ZDHHC2: variants seen among roughly 807,000 people sequenced by gnomAD.
ZDHHC2 encodes zDHHC palmitoyltransferase 2.
In ZDHHC2, 51 loss-of-function variants were observed where a neutral mutation model predicts 55.6. The ratio of observed to expected loss-of-function variants is 0.92; its 90% CI spans 0.73 to 1.16. ZDHHC2 has a LOEUF of 1.16. ZDHHC2 is among the 50% of genes most tolerant of loss of function. The pLI, the probability that ZDHHC2 is intolerant of heterozygous loss-of-function variation, is 0.00. For missense variants in ZDHHC2, 491 were observed against 442.4 expected, an observed-to-expected ratio of 1.11 and a Z score of -0.99; for synonymous variants, 199 against 152.9, an observed-to-expected ratio of 1.30 and a Z score of -2.22.
chr8:17,197,615 A>T lies in ZDHHC2; in HGVS notation c.407A>T (p.Lys136Ile), dbSNP rs1806386446. Residue 136 changes from lysine to isoleucine, a missense_variant, in exon 5 of 13, where the codon AAA becomes ATA. Physicochemically the swap from Lys to Ile is moderately radical, Grantham distance 102 (BLOSUM62 -3). Transcript: ENST00000262096. ...IRYCDRCQLI[K>I]PDRCHHCSVC... ...TACTGTGACAGATGCCAACTTATAAAACCAGATCGCTGCCATCACTGCTCC... is the reference window on the plus strand; with the variant it reads ...TACTGTGACAGATGCCAACTTATAATACCAGATCGCTGCCATCACTGCTCC... 6.2e-7 allele frequency: 1 copy of T among 1,613,762 alleles called. No homozygotes were observed. The highest frequency in any genetic ancestry group is 8.5e-7 in the Non-Finnish European group (1 of 1,179,794).
chr8:17,201,156 A>G (rs1806740423), intron 6 of ZDHHC2, among the ~76,000 whole-genome samples: 2 of 152,334 alleles, frequency 1.3e-5, no homozygotes, highest in African/African-American at 2.4e-5. Context: ...TGTTCTTCCC[A>G]GTCCCTCTCC....
chr8:17,199,564 C>T (rs1360088070), intron 6 of ZDHHC2, among the ~76,000 whole-genome samples: 9 of 72,006 alleles, frequency 1.2e-4, no homozygotes, highest in African/African-American at 2.7e-4. Flanking sequence ...TCTTCGTCTT[C>T]TTCGTCTTTG....
intron 6 of ZDHHC2, among the ~76,000 whole-genome samples, chr8:17,202,957 C>G (rs1806878409): frequency 6.6e-6 from 1 of 151,930 alleles, no homozygotes; most frequent in Non-Finnish European, 1.5e-5. Flanking sequence ...TTATTTAATT[C>G]AAGAGCTGCT....
intron 2 of ZDHHC2, among the ~76,000 whole-genome samples, chr8:17,185,924 C>T (rs1436997748): frequency 6.6e-6 from 1 of 152,172 alleles, no homozygotes; most frequent in Admixed American, 6.5e-5. Flanking sequence ...ATAGGAACTG[C>T]CTTTGTTATC....
intron 1 of ZDHHC2, among the ~76,000 whole-genome samples, chr8:17,164,502 CTTAAA>C (rs1804508460): frequency 6.6e-6 from 1 of 151,958 alleles, no homozygotes; most frequent in South Asian, 2.1e-4. Flanking sequence ...TCCTGTCATA[CTTAAA>C]TTAATTAGAC....
chr8:17,214,161 C>T (rs1184627406), intron 10 of ZDHHC2, among the ~76,000 whole-genome samples: 2 of 152,034 alleles, frequency 1.3e-5, no homozygotes, highest in Non-Finnish European at 2.9e-5. Flanking sequence ...AGTTTCTATG[C>T]CAATAATGTT....
At chr8:17,165,320 G>A (rs934420114) in intron 1 of ZDHHC2, among the ~76,000 whole-genome samples, 2 of 152,184 alleles carry the variant, frequency 1.3e-5, no homozygotes, top group African/African-American at 4.8e-5. Flanking sequence ...TATGACTAGT[G>A]ATTAGCCAGG....
chr8:17,219,035 A>G (rs1431408201), intron 12 of ZDHHC2, among the ~76,000 whole-genome samples: 2 of 151,772 alleles, frequency 1.3e-5, no homozygotes, highest in Non-Finnish European at 1.5e-5. Context: ...GTGGATCACA[A>G]TGTCAGGAGC....
At chr8:17,212,977 C>G (rs1340256337) in intron 10 of ZDHHC2, among the ~76,000 whole-genome samples, 1 of 152,118 alleles carries the variant, frequency 6.6e-6, no homozygotes, top group Non-Finnish European at 1.5e-5. Context: ...GTCCTCTCAC[C>G]TTGGCCTTCT....
intron 1 of ZDHHC2, among the ~76,000 whole-genome samples, chr8:17,167,038 C>T (rs1269589874): frequency 2.6e-5 from 4 of 152,084 alleles, no homozygotes; most frequent in Admixed American, 6.5e-5. Flanking sequence ...ATTTCGTGAG[C>T]GGTAACCATG....
At position 17,198,408 on chromosome 8, in the gene ZDHHC2, T is replaced by A; in HGVS notation, c.471T>A (p.Cys157Ter). 1.2e-6 allele frequency: 2 copies of A among 1,601,866 alleles called. No homozygotes were observed. Among genetic ancestry groups the A allele is most frequent in the Non-Finnish European group, 1.7e-6 (2 of 1,174,486 alleles). ...DKCILKMDHH[C>*]PWVNNCVGFS... ...GTATTTTGAAGATGGATCATCATTGTCCATGGTGAGTTGGCTGTATATTTA... is the reference window on the plus strand; with the variant it reads ...GTATTTTGAAGATGGATCATCATTGACCATGGTGAGTTGGCTGTATATTTA... Residue 157 changes from cysteine to a stop codon, truncating the protein, a stop_gained, in exon 6 of 13, where the codon TGT (cysteine) becomes TGA (stop). Coordinates refer to ENST00000262096, the MANE Select transcript of ZDHHC2 (RefSeq NM_016353.5). LOFTEE classifies it high-confidence loss of function.
At chr8:17,200,243 A>T (rs1021225612) in intron 6 of ZDHHC2, among the ~76,000 whole-genome samples, 1 of 152,052 alleles carries the variant, frequency 6.6e-6, no homozygotes, top group Non-Finnish European at 1.5e-5. Context: ...GGTCTCTTCT[A>T]CCTGGGTAGT....
chr8:17,199,399 C>T (rs1806504743), intron 6 of ZDHHC2, among the ~76,000 whole-genome samples: 1 of 151,574 alleles, frequency 6.6e-6, no homozygotes, highest in Non-Finnish European at 1.5e-5. Context: ...TGCCCCCCTG[C>T]CCCCAGTTTT....
intron 3 of ZDHHC2, among the ~76,000 whole-genome samples, chr8:17,188,324 G>A (rs1016482575): frequency 1.2e-4 from 18 of 151,988 alleles, no homozygotes; most frequent in African/African-American, 3.9e-4. Context: ...TGTATCTATT[G>A]TGATTCCATA....
chr8:17,208,781 G>A (rs564103593), intron 8 of ZDHHC2, among the ~76,000 whole-genome samples: 2 of 152,150 alleles, frequency 1.3e-5, no homozygotes, highest in South Asian at 4.1e-4. Context: ...TATGTGTTAG[G>A]CAGTTAAATT....
intron 9 of ZDHHC2, 141 bp downstream of exon 9, chr8:17,210,199 C>A: frequency 8.8e-7 from 1 of 1,131,194 alleles, no homozygotes; most frequent in Non-Finnish European, 1.2e-6. Context: ...TTCTATGATT[C>A]ACCATAATAT....
At chr8:17,208,588 T>C (rs112934296) in intron 8 of ZDHHC2, among the ~76,000 whole-genome samples, 209 of 152,236 alleles carry the variant, frequency 1.4e-3, no homozygotes, top group African/African-American at 4.7e-3. Flanking sequence ...CACTCCAAGC[T>C]GTGAGCTTCA....
intron 7 of ZDHHC2, 69 bp downstream of exon 7, chr8:17,205,844 A>C (rs1585728010): frequency 7.0e-7 from 1 of 1,436,228 alleles, no homozygotes; most frequent in East Asian, 2.4e-5. Context: ...TTCAGAACAG[A>C]ATTATTTCCG....
At chr8:17,171,510 A>T (rs1266586254) in intron 1 of ZDHHC2, among the ~76,000 whole-genome samples, 1 of 152,144 alleles carries the variant, frequency 6.6e-6, no homozygotes, top group Non-Finnish European at 1.5e-5. Context: ...TGACGTCTTT[A>T]TTCCTTTTTC....
Sources: gnomAD v4.1 joint callset for allele counts (sites outside exome capture counted in the v4.1 genomes callset) on GRCh38, gnomAD v4.1.1 for gene constraint, MANE v1.5 for transcripts, NCBI Gene and HGNC (gene_info 2026-07-23, HGNC 2026-07-21) for gene names.